Variants in CACNG7 observed in about 807,000 individuals in gnomAD.
The protein encoded by CACNG7 is voltage-dependent calcium channel gamma-7 subunit.
In CACNG7, 9 loss-of-function variants were observed where a neutral mutation model predicts 26.3. The observed-to-expected ratio is 0.34, with a 90% CI of 0.21 to 0.60. The LOEUF is 0.60. Ranked by LOEUF, CACNG7 falls within the 20% of genes least tolerant of loss-of-function variation. CACNG7 has a pLI of 0.81. For synonymous variants in CACNG7, 170 were observed against 157.0 expected, an observed-to-expected ratio of 1.08 and a Z score of -0.62; for missense variants, 297 against 380.4, an observed-to-expected ratio of 0.78 and a Z score of 1.82.
chr19:53,920,920 TCTGGTCATTGGTGGACTTGCCCCAGG>T (rs758142076), intron 4 of CACNG7, among the ~76,000 whole-genome samples: 8 of 102,234 alleles, frequency 7.8e-5, no homozygotes, highest in Middle Eastern at 5.3e-3. Context: ...TGTCCCCAGG[TCTGGTCATTGGTGGACTTGCCCCAGG>T]CTGGTCATTG....
chr19:53,930,532 T>C (rs148805852), intron 4 of CACNG7, among the ~76,000 whole-genome samples: 11,767 of 152,050 alleles, frequency 0.077, 1,537 homozygotes, highest in African/African-American at 0.27. Context: ...GCCACCACGC[T>C]CTGCTAATTT....
In CACNG7 at chr19:53,912,761, G is replaced by A. The variant is rs553535624; in HGVS notation, c.-29-42G>A. 27 of 1,525,606 alleles carry A rather than the reference G, an allele frequency of 1.8e-5. No individual in the cohort carries two copies. The South Asian group carries it at 3.0e-4, about 17-fold the overall frequency. 94.5% of individuals were successfully genotyped at this position (1,525,606 alleles called of 1,614,324 possible). A position where few individuals can be genotyped will look rare whatever the true frequency, so the allele number is the denominator to read the frequency against. ...TTGCTGCATGGGGTCAAGCACTCTG[G>A]TCGGTCCCATGGAGCTCTGCACTGT... On this transcript the variant is annotated intron_variant, in intron 1 of 5. Coordinates refer to ENST00000391767, the MANE Select transcript of CACNG7 (RefSeq NM_031896.5). The surrounding 1 kb of genome is among the most constrained non-coding windows in gnomAD (Gnocchi z 4.6).
In CACNG7 at chr19:53,915,577, A is replaced by G. The variant is rs548838522; in HGVS notation, c.424+72A>G. The G allele has an allele frequency of 2.8e-5, 43 of 1,561,752 alleles. No individual in the cohort carries two copies. In the South Asian group the frequency reaches 4.4e-4, roughly 16 times the overall value. On this transcript the variant is annotated intron_variant, in intron 4 of 5. Transcript: ENST00000391767. ...GGGACCTGTGGTTCCTTTTCCACTT[A>G]GCCACTTCCTTGCTGTGTGGCCTGG...
intron 4 of CACNG7, among the ~76,000 whole-genome samples, chr19:53,924,822 T>C (rs2069010616): frequency 1.4e-5 from 2 of 140,934 alleles, no homozygotes; most frequent in African/African-American, 5.4e-5. Flanking sequence ...GCCCCAGGTC[T>C]GGTCATTGGT....
intron 4 of CACNG7, among the ~76,000 whole-genome samples, chr19:53,916,208 T>TA: frequency 6.6e-6 from 1 of 152,232 alleles, no homozygotes; most frequent in African/African-American, 2.4e-5. Context: ...CGTGATTAGC[T>TA]AGAGTTCAAT....
At chr19:53,923,727 G>A (rs1308371006) in intron 4 of CACNG7, among the ~76,000 whole-genome samples, 5 of 128,168 alleles carry the variant, frequency 3.9e-5, no homozygotes, top group Admixed American at 7.3e-5. Flanking sequence ...TCTGGTCATT[G>A]GTGGAGTTGC....
In CACNG7 at chr19:53,941,586, T is replaced by C. The variant is rs1388967465; in HGVS notation, c.541T>C (p.Phe181Leu). 1 of 1,612,148 alleles carries C rather than the reference T, an allele frequency of 6.2e-7. No individual in the cohort carries two copies. The highest frequency in any genetic ancestry group is 2.2e-5 in the East Asian group (1 of 44,790). Residue 181 changes from phenylalanine (F) to leucine (L), a missense_variant, in exon 5 of 6, where the codon TTC becomes CTC. Phe to Leu is a conservative substitution (Grantham distance 22). Transcript: ENST00000391767. Reference protein sequence around the residue: ...FHYRYGWSFAFAASSFLLKEG... With the variant: ...FHYRYGWSFALAASSFLLKEG... ...TTATCGCTACGGGTGGTCTTTTGCC[T>C]TCGCCGCTTCCTCCTTCCTACTCAA...
intron 4 of CACNG7, among the ~76,000 whole-genome samples, chr19:53,933,826 T>C (rs2069089115): frequency 6.6e-6 from 1 of 152,162 alleles, no homozygotes; most frequent in Non-Finnish European, 1.5e-5. Flanking sequence ...TGTCATCGTT[T>C]TTCTGAAGAC....
At position 53,939,954 on chromosome 19, in the gene CACNG7, C is replaced by A. The variant is rs183765490; in HGVS notation, c.425-1516C>A. ...AGCCATTCTTAGCTGGTGGGCCATA[C>A]ACAATGAGGGGGTGAGCTGGGTTTC... On this transcript the variant is annotated intron_variant, in intron 4 of 5. Transcript: ENST00000391767. This position sits in a 1 kb window ranked among gnomAD's most constrained non-coding sequence, Gnocchi z 4.2. 4.6e-5 allele frequency among the ~76,000 whole-genome samples: 7 copies of A among 152,230 alleles called. No individual in the cohort carries two copies. Among genetic ancestry groups the A allele is most frequent in the African/African-American group, 1.4e-4 (6 of 41,534 alleles).
intron 2 of CACNG7, among the ~76,000 whole-genome samples, chr19:53,914,290 A>AAAAAAAAAAG (rs2068880644): frequency 1.4e-4 from 14 of 101,700 alleles, no homozygotes; most frequent in African/African-American, 4.2e-4. Context: ...AAAAAAAAGA[A>AAAAAAAAAAG]AAAAAGAAAA....
intron 4 of CACNG7, among the ~76,000 whole-genome samples, chr19:53,936,912 C>T (rs1568783940): frequency 6.7e-6 from 1 of 149,514 alleles, no homozygotes; most frequent in African/African-American, 2.5e-5. Flanking sequence ...CCCAGCCTAA[C>T]TTAATTGAGT....
chr19:53,912,635 G>A lies in CACNG7; in HGVS notation c.-29-168G>A. ...CTGAGGCTCAACAGTTGGTGTCTCT[G>A]GTCAGACTCTAGGGTTGGGGTCATG... On this transcript the variant is annotated intron_variant, in intron 1 of 5. Transcript: ENST00000391767. The surrounding 1 kb of genome is among the most constrained non-coding windows in gnomAD (Gnocchi z 4.6). The A allele has an allele frequency of 1.7e-6, 1 of 576,392 alleles. No homozygotes were observed. Among genetic ancestry groups the A allele is most frequent in the Non-Finnish European group, 3.1e-6 (1 of 326,476 alleles). The allele number at this position is 576,392 out of a possible 1,614,324, so 35.7% of individuals were successfully genotyped here.
chr19:53,938,430 C>T (rs542946306), intron 4 of CACNG7, among the ~76,000 whole-genome samples: 1 of 152,200 alleles, frequency 6.6e-6, no homozygotes, highest in South Asian at 2.1e-4. Flanking sequence ...TGGGCAGGTA[C>T]CGGACCATTT....
chr19:53,910,789 C>T (rs1348953011), intron 1 of CACNG7, among the ~76,000 whole-genome samples: 2 of 152,118 alleles, frequency 1.3e-5, no homozygotes. Flanking sequence ...CAGAGATGAA[C>T]TGGGATCTCC....
Position 53,909,973 on chromosome 19 carries a change from G to A in CACNG7, c.-30+456G>A, listed in dbSNP as rs748091025. On this transcript the variant is annotated intron_variant, in intron 1 of 5. Transcript: ENST00000391767. The surrounding 1 kb of genome is among the most constrained non-coding windows in gnomAD (Gnocchi z 5.1). ...GATTCAAATGCCTGAATCCGGGAAA[G>A]GGTGGGAGAAAGAGGGAGAAGAGGA... 5.9e-5 allele frequency among the ~76,000 whole-genome samples: 9 copies of A among 152,150 alleles called. No homozygotes were observed. The highest frequency in any genetic ancestry group is 1.2e-4 in the Non-Finnish European group (8 of 68,032).
In CACNG7 at chr19:53,940,875, T is replaced by C. The variant is rs2145921190; in HGVS notation, c.425-595T>C. ...TTTGAGACCAGCCTGGCCAACATGG[T>C]GAAACCCCGTCTCTACTAAAAATAT... On this transcript the variant is annotated intron_variant, in intron 4 of 5. Transcript: ENST00000391767. This position sits in a 1 kb window ranked among gnomAD's most constrained non-coding sequence, Gnocchi z 4.1. 6.6e-6 allele frequency among the ~76,000 whole-genome samples: 1 copy of C among 151,514 alleles called. No individual in the cohort carries two copies. Among genetic ancestry groups the C allele is most frequent in the Non-Finnish European group, 1.5e-5 (1 of 67,900 alleles).
intron 4 of CACNG7, among the ~76,000 whole-genome samples, chr19:53,920,144 T>C (rs1436128041): frequency 1.5e-4 from 12 of 82,680 alleles, no homozygotes; most frequent in South Asian, 1.1e-3. Context: ...TTGCCCCAGG[T>C]CTGGTCATTG....
chr19:53,913,997 C>T (rs2068877369), intron 2 of CACNG7, among the ~76,000 whole-genome samples: 1 of 151,838 alleles, frequency 6.6e-6, no homozygotes, highest in Non-Finnish European at 1.5e-5. Context: ...AGTTCCAGGC[C>T]AGGTGCAATG....
In CACNG7 at chr19:53,922,671, T is replaced by C. The variant is rs74195769; in HGVS notation, c.424+7166T>C. On this transcript the variant is annotated intron_variant, in intron 4 of 5. Transcript: ENST00000391767. ...GGTCATTGGTGCAGTTGTCCCAGGC[T>C]GGTCATTGGTGGAGTTGCCCCAGGT... 5.7e-5 allele frequency among the ~76,000 whole-genome samples: 4 copies of C among 70,062 alleles called. No homozygotes were observed. In the South Asian group the frequency reaches 1.9e-3, roughly 33 times the overall value. The allele number at this position is 70,062 out of a possible 152,430, so 46.0% of individuals were successfully genotyped here. A position where few individuals can be genotyped will look rare whatever the true frequency, so the allele number is the denominator to read the frequency against.
Sources: allele counts gnomAD v4.1 joint callset (sites outside exome capture counted in the v4.1 genomes callset), GRCh38; gene constraint gnomAD v4.1.1; non-coding constraint Gnocchi (gnomAD v3.1); transcripts MANE v1.5; gene names NCBI Gene and HGNC (gene_info 2026-07-23, HGNC 2026-07-21).